RAD51D: variants seen among roughly 807,000 people sequenced by gnomAD.
RAD51D encodes DNA repair protein RAD51 homolog 4.
Under a neutral mutation model 44.1 loss-of-function variants are expected in RAD51D, and 38 were observed. The ratio of observed to expected loss-of-function variants is 0.86; its 90% CI spans 0.67 to 1.13. The LOEUF is 1.13. Among genes scored for constraint, RAD51D ranks in the 50% most tolerant of loss-of-function variants. The pLI is 0.00. For synonymous variants in RAD51D, 141 were observed against 166.6 expected, an observed-to-expected ratio of 0.85 and a Z score of 1.18; for missense variants, 390 against 414.0, an observed-to-expected ratio of 0.94 and a Z score of 0.50.
At chr17:35,105,767 C>T (rs943849797) in intron 6 of RAD51D, among the ~76,000 whole-genome samples, 5 of 152,044 alleles carry the variant, frequency 3.3e-5, no homozygotes, top group African/African-American at 1.2e-4. Context: ...GGTCTTAGTC[C>T]AAGATACACA....
rs751301864 is a variant in RAD51D at position 35,118,655 on chromosome 17, G to A, written c.145-36C>T. 6.6e-6 allele frequency: 10 copies of A among 1,521,034 alleles called. No homozygotes were observed. In the South Asian group the frequency reaches 7.9e-5, roughly 12 times the overall value. The allele number at this position is 1,521,034 out of a possible 1,614,324, so 94.2% of individuals were successfully genotyped here. ...GCCCCAGACTGCTCAGCAACAAATT[G>A]CCCGTAGAAGCTGGCATCCCAGGGT... On this transcript the variant is annotated intron_variant, in intron 2 of 9. Coordinates refer to ENST00000345365, the MANE Select transcript of RAD51D (RefSeq NM_002878.4).
chr17:35,111,320 C>T (rs1360064875), intron 3 of RAD51D, among the ~76,000 whole-genome samples: 2 of 148,636 alleles, frequency 1.3e-5, no homozygotes, highest in African/African-American at 2.5e-5. Context: ...CGCCATTGCA[C>T]TCCAGGTCAG....
rs533209845 is a variant in RAD51D at position 35,119,712 on chromosome 17, A to G, written c.-99T>C. 498 of 1,234,962 alleles carry G rather than the reference A, an allele frequency of 4.0e-4. 3 individuals are homozygous for G. The African/African-American group carries it at 6.6e-3, about 16-fold the overall frequency. The allele number at this position is 1,234,962 out of a possible 1,614,324, so 76.5% of individuals were successfully genotyped here. A position where few individuals can be genotyped will look rare whatever the true frequency, so the allele number is the denominator to read the frequency against. ...GCCCCTCCCCTACCCCTTCCTAGAGAGGACACAGGCGCGCTGGCTGCCGGA... is the reference window on the plus strand; with the variant it reads ...GCCCCTCCCCTACCCCTTCCTAGAGGGGACACAGGCGCGCTGGCTGCCGGA... On this transcript the variant is annotated 5_prime_UTR_variant, in exon 1 of 10. Coordinates refer to ENST00000345365, the MANE Select transcript of RAD51D (RefSeq NM_002878.4).
intron 8 of RAD51D, 108 bp from the exon 9 acceptor site, chr17:35,101,473 C>T: frequency 1.6e-6 from 2 of 1,259,130 alleles, no homozygotes; most frequent in Non-Finnish European, 2.3e-6. Context: ...AGAGAAATAA[C>T]TTCCCCAAGG....
At chr17:35,118,179 T>C (rs2091771231) in intron 3 of RAD51D, among the ~76,000 whole-genome samples, 1 of 152,168 alleles carries the variant, frequency 6.6e-6, no homozygotes, top group Non-Finnish European at 1.5e-5. Flanking sequence ...ACATTTTTGA[T>C]GGTTACAACT....
In RAD51D at chr17:35,119,626, C is replaced by G. The variant is rs2142481294; in HGVS notation, c.-13G>C. ...TGAGCACGCCCATGTTCCCCGCAGG[C>G]CGGAACAGCCCCAGGGGGACTGCAC... is the stretch of plus-strand genomic sequence containing the variant. On this transcript the variant is annotated 5_prime_UTR_variant, in exon 1 of 10. Coordinates refer to ENST00000345365, the MANE Select transcript of RAD51D (RefSeq NM_002878.4). 1 of 1,609,338 alleles carries G rather than the reference C, an allele frequency of 6.2e-7. No individual in the cohort carries two copies. The highest frequency in any genetic ancestry group is 8.5e-7 in the Non-Finnish European group (1 of 1,179,904).
chr17:35,094,860 A>C lies in RAD51D; in HGVS notation c.*6093T>G, dbSNP rs1319854040. On this transcript the variant is annotated 3_prime_UTR_variant, in exon 10 of 10. Transcript: ENST00000345365. ...ATGCATCAAGGGCCTAAGGATACAT[A>C]ATAGAGCCTTGATTAACTCGTCTTT... 6.6e-6 allele frequency: 1 copy of C among 151,898 alleles called. No individual in the cohort carries two copies. The highest frequency in any genetic ancestry group is 1.5e-5 in the Non-Finnish European group (1 of 68,046). 9.4% of individuals were successfully genotyped at this position (151,898 alleles called of 1,614,324 possible).
At position 35,103,202 on chromosome 17, in the gene RAD51D, AG is replaced by A. The variant is rs1423285223; in HGVS notation, c.738+51del. 6.5e-7 allele frequency: 1 copy of A among 1,529,860 alleles called. No individual in the cohort carries two copies. Among genetic ancestry groups the A allele is most frequent in the East Asian group, 2.3e-5 (1 of 42,564 alleles). The allele number at this position is 1,529,860 out of a possible 1,614,324, so 94.8% of individuals were successfully genotyped here. A position where few individuals can be genotyped will look rare whatever the true frequency, so the allele number is the denominator to read the frequency against. On this transcript the variant is annotated intron_variant, in intron 8 of 9. Coordinates refer to ENST00000345365, the MANE Select transcript of RAD51D (RefSeq NM_002878.4). This position sits in a 1 kb window ranked among gnomAD's most constrained non-coding sequence, Gnocchi z 4.1. Reference sequence around the variant, plus strand: ...AGAAGCTGACATTTAAGGGAAATAAAGAGCTCGCAATAACTAGAAATCAAGT... The same window carrying A: ...AGAAGCTGACATTTAAGGGAAATAAAAGCTCGCAATAACTAGAAATCAAGT...
At position 35,113,515 on chromosome 17, in the gene RAD51D, C is replaced by T. The variant is rs1284422726; in HGVS notation, c.263+4986G>A. 2.2e-5 allele frequency: 9 copies of T among 401,370 alleles called. No individual in the cohort carries two copies. In the East Asian group the frequency reaches 6.2e-4, roughly 28 times the overall value. 24.9% of individuals were successfully genotyped at this position (401,370 alleles called of 1,614,324 possible). On this transcript the variant is annotated intron_variant, in intron 3 of 9. Coordinates refer to ENST00000345365, the MANE Select transcript of RAD51D (RefSeq NM_002878.4). ...AACTCCTGACCTCAGGTGACCCACT[C>T]GCCTTGGCCTCCCAAAGTGCTGGGA...
In RAD51D at chr17:35,119,622, C is replaced by G; in HGVS notation, c.-9G>C. 1 of 1,609,730 alleles carries G rather than the reference C, an allele frequency of 6.2e-7. No homozygotes were observed. Among genetic ancestry groups the G allele is most frequent in the Non-Finnish European group, 8.5e-7 (1 of 1,179,938 alleles). On this transcript the variant is annotated 5_prime_UTR_variant, in exon 1 of 10. Transcript: ENST00000345365. ...ACCCTGAGCACGCCCATGTTCCCCG[C>G]AGGCCGGAACAGCCCCAGGGGGACT...
At chr17:35,102,690 G>A (rs775464236) in intron 8 of RAD51D, among the ~76,000 whole-genome samples, 1 of 152,054 alleles carries the variant, frequency 6.6e-6, no homozygotes, top group Non-Finnish European at 1.5e-5. Context: ...TGCAGAAAAA[G>A]TATTGTATGG....
intron 3 of RAD51D, among the ~76,000 whole-genome samples, chr17:35,118,000 T>G (rs1294194488): frequency 1.3e-5 from 2 of 152,204 alleles, no homozygotes; most frequent in South Asian, 2.1e-4. Flanking sequence ...TGCCTGCACA[T>G]AGTAGGCACT....
At position 35,107,113 on chromosome 17, in the gene RAD51D, A is replaced by G. The variant is rs201313861; in HGVS notation, c.355T>C (p.Cys119Arg). The G allele has an allele frequency of 1.4e-4, 219 of 1,613,972 alleles. 1 individual carries two copies. The highest frequency in any genetic ancestry group is 1.8e-4 in the Non-Finnish European group (207 of 1,180,004). The change falls in exon 5 of 10, where the codon TGT becomes CGT. Residue 119 changes from cysteine to arginine, a missense_variant. Coordinates refer to ENST00000345365, the MANE Select transcript of RAD51D (RefSeq NM_002878.4). ...CCATGGGCCACATTTGCTGCCATAC[A>G]GAGACATACCTGGGGGTGGGGGCAT... Reference protein sequence around the residue: ...PGSGKTQVCLCMAANVAHGLQ... With the variant: ...PGSGKTQVCLRMAANVAHGLQ...
rs776471760 is a variant in RAD51D at position 35,119,583 on chromosome 17, C to A, written c.31G>T (p.Gly11Cys). The change falls in exon 1 of 10, where the codon GGC becomes TGC. Residue 11 changes from glycine (G) to cysteine (C), a missense_variant. Transcript: ENST00000345365. MGVLRVGLCP[G>C]LTEEMIQLLR... ...AGCTGGATCATCTCCTCGGTAAGGC[C>A]AGGGCACAGTCCGACCCTGAGCACG... is the stretch of plus-strand genomic sequence containing the variant. The A allele has an allele frequency of 6.2e-7, 1 of 1,612,580 alleles. No homozygotes were observed. The highest frequency in any genetic ancestry group is 1.7e-5 in the Admixed American group (1 of 60,030).
At position 35,100,863 on chromosome 17, in the gene RAD51D, T is replaced by C. The variant is rs1223315194; in HGVS notation, c.*90A>G. ...GCCTGAGAACGTCTGTAGTCACCAG[T>C]GCCAGGTGGCAGTAAACAGCAGGCG... On this transcript the variant is annotated 3_prime_UTR_variant, in exon 10 of 10. Coordinates refer to ENST00000345365, the MANE Select transcript of RAD51D (RefSeq NM_002878.4). The C allele has an allele frequency of 9.3e-7, 1 of 1,078,528 alleles. No individual in the cohort carries two copies. Among genetic ancestry groups the C allele is most frequent in the South Asian group, 1.3e-5 (1 of 79,854 alleles). 66.8% of individuals were successfully genotyped at this position (1,078,528 alleles called of 1,614,324 possible).
chr17:35,102,109 A>G (rs1205357877), intron 8 of RAD51D, among the ~76,000 whole-genome samples: 2 of 152,180 alleles, frequency 1.3e-5, no homozygotes, highest in African/African-American at 2.4e-5. Context: ...GCTGCTAAAA[A>G]TTACATTTCT....
chr17:35,101,288 G>C lies in RAD51D; in HGVS notation c.816C>G (p.Pro272=), dbSNP rs565863781. ...TGGTGTCCAGGAGAATCCGAGTGCTGGGCACAAAGCTCCAGGAGCGTCCGA... is the reference window on the plus strand; with the variant it reads ...TGGTGTCCAGGAGAATCCGAGTGCTCGGCACAAAGCTCCAGGAGCGTCCGA... ...PALGRSWSFV[P]STRILLDTIE... The change falls in exon 9 of 10, where the codon CCC becomes CCG. Residue 272 remains proline, a synonymous_variant. Coordinates refer to ENST00000345365, the MANE Select transcript of RAD51D (RefSeq NM_002878.4). 1 of 1,614,098 alleles carries C rather than the reference G, an allele frequency of 6.2e-7. No individual in the cohort carries two copies. Among genetic ancestry groups the C allele is most frequent in the African/African-American group, 1.3e-5 (1 of 75,004 alleles).
rs1471386299 is a variant in RAD51D at position 35,092,577 on chromosome 17, CG to C, written c.*8375del. 1 of 152,194 alleles carries C rather than the reference CG, an allele frequency of 6.6e-6. No homozygotes were observed. Among genetic ancestry groups the C allele is most frequent in the Non-Finnish European group, 1.5e-5 (1 of 68,040 alleles). 9.4% of individuals were successfully genotyped at this position (152,194 alleles called of 1,614,324 possible). ...GAGACATTACCTTGTCCAAGTAACT[CG>C]GCCAGAAAGGGACTAGCAGGGTTTT... is the stretch of plus-strand genomic sequence containing the variant. On this transcript the variant is annotated 3_prime_UTR_variant, in exon 10 of 10. Transcript: ENST00000345365.
chr17:35,117,647 G>A (rs1450175664), intron 3 of RAD51D, among the ~76,000 whole-genome samples: 2 of 152,022 alleles, frequency 1.3e-5, no homozygotes, highest in South Asian at 2.1e-4. Flanking sequence ...CCGCCACCAC[G>A]CCCGACTAAT....
Sources: gnomAD v4.1 joint callset for allele counts (sites outside exome capture counted in the v4.1 genomes callset) on GRCh38, gnomAD v4.1.1 for gene constraint, Gnocchi (gnomAD v3.1) non-coding constraint, MANE v1.5 for transcripts, NCBI Gene and HGNC (gene_info 2026-07-23, HGNC 2026-07-21) for gene names.